TYW1B: variants seen among roughly 807,000 people sequenced by gnomAD.
The protein encoded by TYW1B is tRNA-yW synthesizing protein 1 homolog B.
Under a neutral mutation model 86.9 loss-of-function variants are expected in TYW1B, and 73 were observed. The ratio of observed to expected loss-of-function variants is 0.84; its 90% CI spans 0.70 to 1.02. The LOEUF is 1.02. Among genes scored for constraint, TYW1B ranks in the 50% least tolerant of loss-of-function variants. The pLI is 0.00. For synonymous variants in TYW1B, 248 were observed against 292.8 expected (o/e 0.85, Z 1.56); for missense variants, 637 against 827.4 (o/e 0.77, Z 2.82).
chr7:72,736,467 C>G (rs1223780394), intron 8 of TYW1B, among the ~76,000 whole-genome samples: 1 of 152,170 alleles, frequency 6.6e-6, no homozygotes, highest in Non-Finnish European at 1.5e-5. Flanking sequence ...AATTTTGCTT[C>G]TAAGAGAAGT....
intron 13 of TYW1B, among the ~76,000 whole-genome samples, chr7:72,587,260 T>C (rs192749657): frequency 1.3e-5 from 2 of 152,308 alleles, no homozygotes; most frequent in African/African-American, 4.8e-5. Context: ...AGAGTGTTAC[T>C]GAAACCACCC....
intron 9 of TYW1B, among the ~76,000 whole-genome samples, chr7:72,721,624 GCA>G (rs149471740): frequency 0.014 from 2,061 of 150,606 alleles, 61 homozygotes; most frequent in African/African-American, 0.047. Flanking sequence ...ACACACACAT[GCA>G]CACACACACA....
intron 7 of TYW1B, among the ~76,000 whole-genome samples, chr7:72,765,278 G>T (rs1787751582): frequency 6.6e-6 from 1 of 152,014 alleles, no homozygotes; most frequent in South Asian, 2.1e-4. Context: ...TGATCAATGT[G>T]GGAAGAAAAA....
chr7:72,798,392 A>C (rs1305301984), intron 6 of TYW1B, among the ~76,000 whole-genome samples: 1 of 148,466 alleles, frequency 6.7e-6, no homozygotes, highest in Non-Finnish European at 1.5e-5. Flanking sequence ...CTCCGTCTCA[A>C]AAAAAAAAAA....
intron 13 of TYW1B, among the ~76,000 whole-genome samples, chr7:72,591,036 TATA>T (rs1686969250): frequency 1.3e-5 from 2 of 151,364 alleles, no homozygotes; most frequent in Admixed American, 1.3e-4. Context: ...AACTAAAAAG[TATA>T]ATAACTGAAA....
intron 6 of TYW1B, among the ~76,000 whole-genome samples, chr7:72,778,939 A>G (rs1352265860): frequency 6.6e-6 from 1 of 151,904 alleles, no homozygotes; most frequent in Non-Finnish European, 1.5e-5. Context: ...TTCTCTTTTT[A>G]AAAGTTTATT....
chr7:72,726,555 G>A (rs1470445755), intron 9 of TYW1B, among the ~76,000 whole-genome samples: 3 of 151,788 alleles, frequency 2.0e-5, no homozygotes, highest in Non-Finnish European at 2.9e-5. Flanking sequence ...GTAGAGATGG[G>A]GTTTCACCAT....
chr7:72,796,940 A>G (rs1258045070), intron 6 of TYW1B, among the ~76,000 whole-genome samples: 1 of 145,100 alleles, frequency 6.9e-6, no homozygotes, highest in African/African-American at 2.5e-5. Flanking sequence ...AGTAGCTGGG[A>G]TTACAGGCAC....
At chr7:72,680,355 C>T (rs868977845) in intron 11 of TYW1B, among the ~76,000 whole-genome samples, 3 of 152,058 alleles carry the variant, frequency 2.0e-5, no homozygotes, top group African/African-American at 7.2e-5. Context: ...GGCAGAAGAA[C>T]ATGGAAAAAC....
At chr7:72,822,346 A>T (rs1188287076) in intron 2 of TYW1B, among the ~76,000 whole-genome samples, 1 of 151,980 alleles carries the variant, frequency 6.6e-6, no homozygotes, top group Non-Finnish European at 1.5e-5. Context: ...TATTAACAGA[A>T]CTAATGCACA....
At chr7:72,630,946 T>C (rs1812472087) in intron 11 of TYW1B, among the ~76,000 whole-genome samples, 1 of 151,974 alleles carries the variant, frequency 6.6e-6, no homozygotes, top group Admixed American at 6.6e-5. Context: ...TTGTTAAAAA[T>C]CCCGGGATTG....
At chr7:72,596,554 C>T (rs1288399389) in intron 13 of TYW1B, among the ~76,000 whole-genome samples, 2 of 152,116 alleles carry the variant, frequency 1.3e-5, no homozygotes, top group Non-Finnish European at 2.9e-5. Context: ...GCGTCCTTAA[C>T]AAATGGTGTT....
chr7:72,602,833 A>AACACACAC (rs55709140), intron 13 of TYW1B, among the ~76,000 whole-genome samples: 4,039 of 127,800 alleles, frequency 0.032, 66 homozygotes, highest in East Asian at 0.084. Flanking sequence ...AAGTGCTCAA[A>AACACACAC]ACACACACAC....
At chr7:72,680,821 G>T (rs1813855329) in intron 11 of TYW1B, among the ~76,000 whole-genome samples, 1 of 152,146 alleles carries the variant, frequency 6.6e-6, no homozygotes, top group Non-Finnish European at 1.5e-5. Context: ...AAGTATGATA[G>T]AAATGAGGTC....
At chr7:72,778,165 A>C (rs1259853819) in intron 6 of TYW1B, among the ~76,000 whole-genome samples, 1 of 152,176 alleles carries the variant, frequency 6.6e-6, no homozygotes, top group Non-Finnish European at 1.5e-5. Flanking sequence ...ATAGCTGCCT[A>C]ACTTTAGCAA....
intron 7 of TYW1B, among the ~76,000 whole-genome samples, chr7:72,756,030 G>C (rs1229010963): frequency 6.6e-6 from 1 of 152,086 alleles, no homozygotes; most frequent in Non-Finnish European, 1.5e-5. Context: ...CACAGGGAGA[G>C]ACAGGGCTCA....
chr7:72,772,580 T>G (rs1238500296), intron 7 of TYW1B, among the ~76,000 whole-genome samples: 18 of 152,172 alleles, frequency 1.2e-4, no homozygotes, highest in Admixed American at 9.2e-4. Context: ...TTGAGCTACA[T>G]AGGACATGAA....
At chr7:72,664,559 A>C (rs1813415715) in intron 11 of TYW1B, among the ~76,000 whole-genome samples, 1 of 152,172 alleles carries the variant, frequency 6.6e-6, no homozygotes, top group Non-Finnish European at 1.5e-5. Flanking sequence ...ATGAGAACAC[A>C]TGGACACATA....
At chr7:72,693,192 AAGG>A (rs1316749665) in intron 11 of TYW1B, among the ~76,000 whole-genome samples, 2 of 152,100 alleles carry the variant, frequency 1.3e-5, no homozygotes, top group Non-Finnish European at 2.9e-5. Context: ...GGAAGGAAAG[AAGG>A]AGGATTAATG....
Sources: allele counts gnomAD v4.1 joint callset (sites outside exome capture counted in the v4.1 genomes callset), GRCh38; gene constraint gnomAD v4.1.1; transcripts MANE v1.5; gene names NCBI Gene and HGNC (gene_info 2026-07-23, HGNC 2026-07-21).